The following CNTN5 variants were observed in gnomAD, a reference collection of about 807,000 sequenced individuals.
CNTN5 encodes contactin-5.
CNTN5 carries 77 observed loss-of-function variants against 129.1 expected under a neutral mutation model. That is an observed-to-expected ratio of 0.60 (90% CI 0.50 to 0.72). The LOEUF (loss-of-function observed/expected upper bound fraction) is 0.72, where lower values mean the gene tolerates loss of function less well. Ranked by LOEUF, CNTN5 falls within the 30% of genes least tolerant of loss-of-function variation. The pLI, the probability that CNTN5 is intolerant of heterozygous loss-of-function variation, is 0.00. For synonymous variants in CNTN5, 509 were observed against 465.6 expected (o/e 1.09, Z -1.20); for missense variants, 1,478 against 1,328.8 (o/e 1.11, Z -1.75).
chr11:99,609,441 G>A (rs75587356), intron 3 of CNTN5, among the ~76,000 whole-genome samples: 3,187 of 152,180 alleles, frequency 0.021, 115 homozygotes, highest in African/African-American at 0.072. Context: ...ACCTGTCTAG[G>A]TTCTTTTTCT....
intron 1 of CNTN5, among the ~76,000 whole-genome samples, chr11:99,250,155 TG>T (rs1187061457): frequency 1.3e-5 from 2 of 151,964 alleles, no homozygotes; most frequent in Non-Finnish European, 2.9e-5. Context: ...GGCATTGTCT[TG>T]GTATAATATA....
chr11:99,227,397 A>G (rs181628750), intron 1 of CNTN5, among the ~76,000 whole-genome samples: 250 of 152,090 alleles, frequency 1.6e-3, no homozygotes, highest in Non-Finnish European at 2.9e-3. Context: ...GATAAGCCTA[A>G]TAAAATTGTT....
chr11:99,757,676 G>C (rs964085163), intron 3 of CNTN5, among the ~76,000 whole-genome samples: 1 of 151,930 alleles, frequency 6.6e-6, no homozygotes, highest in African/African-American at 2.4e-5. Context: ...TTTTGGGGAG[G>C]GTATTACTCT....
intron 21 of CNTN5, among the ~76,000 whole-genome samples, chr11:100,339,402 A>G (rs1370334190): frequency 6.6e-6 from 1 of 152,038 alleles, no homozygotes; most frequent in Non-Finnish European, 1.5e-5. Flanking sequence ...GCCTTCCCTA[A>G]AGTTAGGCTA....
chr11:99,068,160 A>G (rs4542375), intron 1 of CNTN5, among the ~76,000 whole-genome samples: 61,773 of 151,976 alleles, frequency 0.41, 12,962 homozygotes, highest in African/African-American at 0.5. Context: ...CCTAGTCTCC[A>G]GCAGTTCTTT....
At chr11:99,436,735 A>G (rs1288375012) in intron 2 of CNTN5, among the ~76,000 whole-genome samples, 1 of 152,124 alleles carries the variant, frequency 6.6e-6, no homozygotes, top group Non-Finnish European at 1.5e-5. Flanking sequence ...TCAACATTTT[A>G]TTATCTCCTC....
chr11:99,750,051 A>T (rs1215319821), intron 3 of CNTN5, among the ~76,000 whole-genome samples: 1 of 152,156 alleles, frequency 6.6e-6, no homozygotes, highest in Non-Finnish European at 1.5e-5. Flanking sequence ...TAGCCTAAAA[A>T]TGTTGGCTCG....
chr11:99,344,479 A>G (rs1477342941), intron 2 of CNTN5, among the ~76,000 whole-genome samples: 3 of 152,170 alleles, frequency 2.0e-5, no homozygotes, highest in African/African-American at 7.2e-5. Flanking sequence ...TTTATCTATT[A>G]TGTTAAAAAT....
intron 1 of CNTN5, among the ~76,000 whole-genome samples, chr11:99,243,212 C>T (rs533353223): frequency 5.3e-5 from 8 of 152,218 alleles, no homozygotes; most frequent in African/African-American, 1.9e-4. Flanking sequence ...TTTTGATTTG[C>T]ATTGCTCTGA....
intron 8 of CNTN5, among the ~76,000 whole-genome samples, chr11:99,964,389 G>A (rs9737434): frequency 6.6e-6 from 1 of 152,142 alleles, no homozygotes; most frequent in African/African-American, 2.4e-5. Context: ...TTTGTCAAAG[G>A]CCTTTTTCTG....
intron 6 of CNTN5, among the ~76,000 whole-genome samples, chr11:99,883,868 T>C (rs1480586010): frequency 6.6e-6 from 1 of 152,212 alleles, no homozygotes; most frequent in East Asian, 1.9e-4. Context: ...GCAAGTCCTG[T>C]TACAGAAGAT....
At chr11:100,011,262 G>A (rs1370292722) in intron 9 of CNTN5, among the ~76,000 whole-genome samples, 1 of 152,038 alleles carries the variant, frequency 6.6e-6, no homozygotes, top group East Asian at 1.9e-4. Flanking sequence ...CACTAGATAT[G>A]TCAACTAGCC....
chr11:99,044,283 G>C (rs1214078128), intron 1 of CNTN5, among the ~76,000 whole-genome samples: 6 of 151,988 alleles, frequency 3.9e-5, no homozygotes, highest in Non-Finnish European at 8.8e-5. Flanking sequence ...TCCAACTTTG[G>C]TAACTATCCC....
intron 1 of CNTN5, among the ~76,000 whole-genome samples, chr11:99,026,767 G>A (rs1042507123): frequency 3.8e-4 from 57 of 151,536 alleles, no homozygotes; most frequent in African/African-American, 1.3e-3. Flanking sequence ...TGCAAAAGAT[G>A]GAATTAGAAC....
At chr11:99,273,600 C>A (rs540351123) in intron 1 of CNTN5, among the ~76,000 whole-genome samples, 1 of 151,572 alleles carries the variant, frequency 6.6e-6, no homozygotes, top group African/African-American at 2.4e-5. Context: ...ATATTGTTCC[C>A]AAATCTCTGT....
At chr11:100,157,386 A>G (rs1947283638) in intron 13 of CNTN5, among the ~76,000 whole-genome samples, 1 of 151,952 alleles carries the variant, frequency 6.6e-6, no homozygotes, top group African/African-American at 2.4e-5. Flanking sequence ...TTGAAAATCC[A>G]GAACCCAGGA....
intron 2 of CNTN5, among the ~76,000 whole-genome samples, chr11:99,547,931 C>T (rs996026843): frequency 2.0e-5 from 3 of 152,094 alleles, no homozygotes; most frequent in Non-Finnish European, 4.4e-5. Context: ...ATTTGCTTAA[C>T]CTTTCTGTGC....
chr11:99,770,151 A>T (rs181097669), intron 3 of CNTN5, among the ~76,000 whole-genome samples: 361 of 152,270 alleles, frequency 2.4e-3, no homozygotes, highest in Admixed American at 8.0e-3. Flanking sequence ...TCTGTGTGAT[A>T]ATGCTAAAAA....
intron 1 of CNTN5, among the ~76,000 whole-genome samples, chr11:99,185,781 T>C (rs1858315747): frequency 6.6e-6 from 1 of 151,518 alleles, no homozygotes; most frequent in Non-Finnish European, 1.5e-5. Context: ...AGAGAAATGT[T>C]ATCACAATTT....
Sources: allele counts gnomAD v4.1 joint callset (sites outside exome capture counted in the v4.1 genomes callset), GRCh38; gene constraint gnomAD v4.1.1; transcripts MANE v1.5; gene names NCBI Gene and HGNC (gene_info 2026-07-23, HGNC 2026-07-21).